The following CMSS1 variants were observed in gnomAD, a reference collection of about 807,000 sequenced individuals.
CMSS1 encodes the protein protein CMSS1.
In CMSS1, 33 loss-of-function variants were observed where a neutral mutation model predicts 43.5. The observed-to-expected ratio is 0.76, with a 90% confidence interval of 0.57 to 1.01. The LOEUF (loss-of-function observed/expected upper bound fraction) is 1.01, where lower values mean the gene tolerates loss of function less well. Among genes scored for constraint, CMSS1 ranks in the 50% least tolerant of loss-of-function variants. The pLI is 0.00. For synonymous variants in CMSS1, 115 were observed against 117.2 expected, an observed-to-expected ratio of 0.98 and a Z score of 0.12; for missense variants, 313 against 326.4, an observed-to-expected ratio of 0.96 and a Z score of 0.32.
rs1378774964 is a variant in CMSS1, at chr3:100,181,270, AT to A, written c.*2883del. The A allele has an allele frequency of 1.3e-5, 2 of 152,246 alleles. No individual in the cohort carries two copies. The highest frequency in any genetic ancestry group is 2.4e-5 in the African/African-American group (1 of 41,468). The allele number at this position is 152,246 out of a possible 1,614,324, so 9.4% of individuals were successfully genotyped here. On this transcript the variant is annotated 3_prime_UTR_variant, in exon 10 of 10. Transcript: ENST00000421999. ...TGTAAACGTATAAAAAGACAACAAT[AT>A]AATTACAGCTGTCTTATTAACTTTT...
intron 1 of CMSS1, among the ~76,000 whole-genome samples, chr3:100,085,615 A>T (rs1387664217): frequency 1.5e-4 from 23 of 152,076 alleles, no homozygotes; most frequent in Admixed American, 1.4e-3. Flanking sequence ...GGCAAATAAC[A>T]TCCTCAAGCT....
At chr3:99,947,427 G>A (rs1404977960) in intron 1 of CMSS1, among the ~76,000 whole-genome samples, 1 of 151,958 alleles carries the variant, frequency 6.6e-6, no homozygotes, top group African/African-American at 2.4e-5. Flanking sequence ...CCTATTATTG[G>A]ATATTTAGTT....
chr3:100,008,056 A>C (rs935226081), intron 1 of CMSS1, among the ~76,000 whole-genome samples: 1 of 152,186 alleles, frequency 6.6e-6, no homozygotes, highest in South Asian at 2.1e-4. Flanking sequence ...TCCCTCCTCC[A>C]AGTTGACATA....
intron 1 of CMSS1, among the ~76,000 whole-genome samples, chr3:100,094,642 A>G (rs1576051490): frequency 8.8e-6 from 1 of 113,054 alleles, no homozygotes; most frequent in South Asian, 2.9e-4. Flanking sequence ...TGGATGTCCA[A>G]TTTCTCCAGC....
intron 1 of CMSS1, among the ~76,000 whole-genome samples, chr3:99,843,906 G>A (rs553113265): frequency 6.6e-6 from 1 of 152,292 alleles, no homozygotes; most frequent in South Asian, 2.1e-4. Flanking sequence ...CTGCACATGC[G>A]AGGGGTCTAG....
intron 1 of CMSS1, among the ~76,000 whole-genome samples, chr3:100,001,046 C>A (rs1432290082): frequency 6.6e-6 from 1 of 152,158 alleles, no homozygotes; most frequent in African/African-American, 2.4e-5. Flanking sequence ...ATATTTCACA[C>A]ACACACACAC....
chr3:100,074,164 A>G (rs2065808836), intron 1 of CMSS1, among the ~76,000 whole-genome samples: 1 of 152,216 alleles, frequency 6.6e-6, no homozygotes, highest in Non-Finnish European at 1.5e-5. Flanking sequence ...TTGTCATTAA[A>G]GAAGAATCCC....
chr3:100,148,689 G>A (rs1174880098), intron 2 of CMSS1, among the ~76,000 whole-genome samples: 1 of 152,076 alleles, frequency 6.6e-6, no homozygotes. Context: ...TGCTTGATAA[G>A]CACTTCAAAC....
intron 8 of CMSS1, among the ~76,000 whole-genome samples, chr3:100,176,048 T>A (rs542400690): frequency 6.6e-6 from 1 of 152,260 alleles, no homozygotes; most frequent in South Asian, 2.1e-4. Context: ...TGGGGCTTCA[T>A]GAAATGGATG....
intron 1 of CMSS1, among the ~76,000 whole-genome samples, chr3:100,124,467 AG>A (rs2107494355): frequency 6.6e-6 from 1 of 152,310 alleles, no homozygotes; most frequent in East Asian, 1.9e-4. Context: ...GAGAATGATG[AG>A]AGAAAGCAAG....
rs1267936090 is a variant in CMSS1 at position 100,180,335 on chromosome 3, T to G, written c.*1947T>G. Reference sequence around the variant, plus strand: ...ATGGCTTTTCTTTTCTACCACATGGTCAGGCTGCAAATTTTCAAGCTTTTA... The same window carrying G: ...ATGGCTTTTCTTTTCTACCACATGGGCAGGCTGCAAATTTTCAAGCTTTTA... On this transcript the variant is annotated 3_prime_UTR_variant, in exon 10 of 10. Coordinates refer to ENST00000421999, the MANE Select transcript of CMSS1 (RefSeq NM_032359.4). The G allele has an allele frequency of 6.6e-6, 1 of 152,246 alleles. No individual in the cohort carries two copies. Among genetic ancestry groups the G allele is most frequent in the Admixed American group, 6.5e-5 (1 of 15,292 alleles). 9.4% of individuals were successfully genotyped at this position (152,246 alleles called of 1,614,324 possible). A position where few individuals can be genotyped will look rare whatever the true frequency, so the allele number is the denominator to read the frequency against.
At chr3:99,970,241 A>G (rs1224531519) in intron 1 of CMSS1, among the ~76,000 whole-genome samples, 1 of 152,224 alleles carries the variant, frequency 6.6e-6, no homozygotes, top group Admixed American at 6.5e-5. Context: ...AAGTCATCTG[A>G]TAAGTTTTGG....
At chr3:99,860,413 G>A (rs563617417) in intron 1 of CMSS1, among the ~76,000 whole-genome samples, 38 of 152,222 alleles carry the variant, frequency 2.5e-4, no homozygotes, top group South Asian at 6.2e-4. Context: ...TCTAAAAAGC[G>A]GTACTGAAAT....
chr3:99,954,819 C>G (rs1001931391), intron 1 of CMSS1, among the ~76,000 whole-genome samples: 2 of 150,812 alleles, frequency 1.3e-5, no homozygotes, highest in African/African-American at 2.4e-5. Context: ...GAGCAAGACT[C>G]TGTCTCAAAA....
At chr3:100,175,384 T>G (rs549854443) in intron 8 of CMSS1, among the ~76,000 whole-genome samples, 1 of 152,308 alleles carries the variant, frequency 6.6e-6, no homozygotes, top group African/African-American at 2.4e-5. Flanking sequence ...AAAAGCATTT[T>G]GAAGCTGTTA....
chr3:100,096,031 T>G (rs1215192921), intron 1 of CMSS1, among the ~76,000 whole-genome samples: 1 of 152,124 alleles, frequency 6.6e-6, no homozygotes, highest in East Asian at 1.9e-4. Context: ...GTGCTCAAAA[T>G]CATTGATCAT....
intron 1 of CMSS1, among the ~76,000 whole-genome samples, chr3:100,139,154 A>G (rs1196550290): frequency 6.6e-6 from 1 of 152,078 alleles, no homozygotes; most frequent in Non-Finnish European, 1.5e-5. Flanking sequence ...GAACATGTGG[A>G]CACAGGGAGG....
intron 1 of CMSS1, among the ~76,000 whole-genome samples, chr3:99,934,270 A>G (rs1707586374): frequency 6.6e-6 from 1 of 152,222 alleles, no homozygotes; most frequent in Non-Finnish European, 1.5e-5. Context: ...TTGCAAAGGA[A>G]TGGAAGGAAT....
chr3:100,072,357 A>T (rs1380080132), intron 1 of CMSS1, among the ~76,000 whole-genome samples: 3 of 152,204 alleles, frequency 2.0e-5, no homozygotes, highest in Non-Finnish European at 4.4e-5. Context: ...CTCAAACTTG[A>T]ACATGGCTCT....
Sources: gnomAD v4.1 joint callset for allele counts (sites outside exome capture counted in the v4.1 genomes callset) on GRCh38, gnomAD v4.1.1 for gene constraint, MANE v1.5 for transcripts, NCBI Gene and HGNC (gene_info 2026-07-23, HGNC 2026-07-21) for gene names.